Variants in FAF1 observed in about 807,000 individuals in gnomAD.
FAF1 encodes the protein FAS-associated factor 1.
FAF1 carries 25 observed loss-of-function variants against 92.5 expected under a neutral mutation model. The ratio of observed to expected loss-of-function variants is 0.27; its 90% CI spans 0.20 to 0.38. The LOEUF is 0.38. Ranked by LOEUF, FAF1 falls within the 10% of genes least tolerant of loss-of-function variation. FAF1 has a pLI of 1.00. For missense variants in FAF1, 636 were observed against 793.3 expected (o/e 0.80, Z 2.38); for synonymous variants, 234 against 273.2 (o/e 0.86, Z 1.42).
intron 13 of FAF1, among the ~76,000 whole-genome samples, chr1:50,554,390 T>TAGAGAGAGAGAGAGAG (rs34360366): frequency 4.1e-4 from 38 of 93,642 alleles, no homozygotes; most frequent in East Asian, 6.3e-4. Context: ...TATATATATA[T>TAGAGAGAGAGAGAGAG]AGAGAGAGAG....
At chr1:50,738,828 T>C (rs779124156) in intron 6 of FAF1, 35 bp downstream of exon 6, 4 of 1,372,004 alleles carry the variant, frequency 2.9e-6, no homozygotes. Flanking sequence ...ACTGAGTTTT[T>C]CATTTCATGT....
chr1:50,911,095 CA>C (rs1228412264), intron 1 of FAF1, among the ~76,000 whole-genome samples: 1 of 151,814 alleles, frequency 6.6e-6, no homozygotes, highest in Non-Finnish European at 1.5e-5. Context: ...TTTTTGGAGA[CA>C]GAGTCTCACT....
chr1:50,944,629 T>C (rs1337685138), intron 1 of FAF1, among the ~76,000 whole-genome samples: 1 of 152,162 alleles, frequency 6.6e-6, no homozygotes, highest in Non-Finnish European at 1.5e-5. Flanking sequence ...CTGTCTACCA[T>C]ACAGAGACTC....
chr1:50,777,642 C>T (rs1170796365), intron 4 of FAF1, among the ~76,000 whole-genome samples: 1 of 151,168 alleles, frequency 6.6e-6, no homozygotes, highest in Non-Finnish European at 1.5e-5. Context: ...GACAATCAAT[C>T]TGAAATAAGA....
At chr1:50,813,158 G>A (rs929718725) in intron 2 of FAF1, among the ~76,000 whole-genome samples, 5 of 151,796 alleles carry the variant, frequency 3.3e-5, no homozygotes, top group Admixed American at 2.0e-4. Context: ...CCACACCTCT[G>A]TGACACACAA....
chr1:50,664,912 C>T (rs935592890), intron 7 of FAF1, among the ~76,000 whole-genome samples: 27 of 152,228 alleles, frequency 1.8e-4, no homozygotes, highest in African/African-American at 5.8e-4. Flanking sequence ...GACCTTGTCA[C>T]GAAGGGCAAT....
intron 9 of FAF1, among the ~76,000 whole-genome samples, chr1:50,593,554 G>A (rs1651631579): frequency 6.6e-6 from 1 of 152,236 alleles, no homozygotes; most frequent in East Asian, 1.9e-4. Flanking sequence ...CTGCCAAGCA[G>A]TGAAACTCAA....
At chr1:50,809,289 G>C (rs1662328064) in intron 2 of FAF1, among the ~76,000 whole-genome samples, 2 of 149,476 alleles carry the variant, frequency 1.3e-5, no homozygotes, top group African/African-American at 2.5e-5. Flanking sequence ...ACTGAGACAT[G>C]AAAACAGCAT....
At chr1:50,722,117 C>G (rs1658434534) in intron 6 of FAF1, among the ~76,000 whole-genome samples, 1 of 152,172 alleles carries the variant, frequency 6.6e-6, no homozygotes, top group African/African-American at 2.4e-5. Context: ...AGGAGTCCCC[C>G]ACTGGCAATT....
intron 6 of FAF1, chr1:50,714,945 A>G: frequency 2.5e-6 from 1 of 395,028 alleles, no homozygotes; most frequent in South Asian, 1.9e-5. Context: ...TCCAAATTTG[A>G]AGAGAAAATG....
At chr1:50,959,169 A>G (rs1192488833) in intron 1 of FAF1, among the ~76,000 whole-genome samples, 1 of 152,212 alleles carries the variant, frequency 6.6e-6, no homozygotes, top group Non-Finnish European at 1.5e-5. Flanking sequence ...TTGTGAATTC[A>G]TTGCAGAGAT....
intron 1 of FAF1, among the ~76,000 whole-genome samples, chr1:50,949,506 T>G (rs1182517301): frequency 1.3e-5 from 2 of 152,178 alleles, no homozygotes; most frequent in African/African-American, 4.8e-5. Flanking sequence ...CACCCTTGGT[T>G]GAAAACCACT....
chr1:50,766,393 T>C (rs764082929), intron 4 of FAF1, among the ~76,000 whole-genome samples: 7 of 152,158 alleles, frequency 4.6e-5, no homozygotes, highest in Admixed American at 1.3e-4. Context: ...TAAGATTCTA[T>C]ATGGGTAGAG....
chr1:50,792,136 G>C (rs540880200), intron 3 of FAF1, among the ~76,000 whole-genome samples: 1 of 152,090 alleles, frequency 6.6e-6, no homozygotes, highest in Non-Finnish European at 1.5e-5. Context: ...CCAAGGACTC[G>C]AGGATGGCTG....
At chr1:50,708,044 G>A (rs984623350) in intron 6 of FAF1, among the ~76,000 whole-genome samples, 2 of 152,174 alleles carry the variant, frequency 1.3e-5, no homozygotes, top group East Asian at 1.9e-4. Flanking sequence ...TCCTGACCTC[G>A]TGATCCACCC....
At chr1:50,633,365 C>A (rs527316098) in intron 8 of FAF1, among the ~76,000 whole-genome samples, 7 of 152,278 alleles carry the variant, frequency 4.6e-5, no homozygotes, top group African/African-American at 1.7e-4. Flanking sequence ...AATTCCATCT[C>A]CTTGCACTTT....
At chr1:50,612,174 T>C (rs1338493374) in intron 8 of FAF1, among the ~76,000 whole-genome samples, 2 of 152,210 alleles carry the variant, frequency 1.3e-5, no homozygotes, top group Non-Finnish European at 2.9e-5. Context: ...AACATTTAGA[T>C]AGTCACATTA....
At chr1:50,449,238 T>C (rs1646264423) in intron 18 of FAF1, among the ~76,000 whole-genome samples, 1 of 152,154 alleles carries the variant, frequency 6.6e-6, no homozygotes, top group East Asian at 1.9e-4. Context: ...TTTATCCTCA[T>C]TTTTACAGAT....
At chr1:50,761,242 C>G (rs543607523) in intron 4 of FAF1, among the ~76,000 whole-genome samples, 1 of 152,136 alleles carries the variant, frequency 6.6e-6, no homozygotes, top group Non-Finnish European at 1.5e-5. Flanking sequence ...AATTCACAGC[C>G]GAATTCTACC....
Sources: gnomAD v4.1 joint callset for allele counts (sites outside exome capture counted in the v4.1 genomes callset) on GRCh38, gnomAD v4.1.1 for gene constraint, MANE v1.5 for transcripts, NCBI Gene and HGNC (gene_info 2026-07-23, HGNC 2026-07-21) for gene names.